The following PPP2R5E variants were observed in gnomAD, a reference collection of about 807,000 sequenced individuals.
The protein encoded by PPP2R5E is protein phosphatase 2 regulatory subunit B'epsilon, also known as serine/threonine-protein phosphatase 2A 56 kDa regulatory subunit epsilon isoform.
PPP2R5E carries 4 observed loss-of-function variants against 65.3 expected under a neutral mutation model. That is an observed-to-expected ratio of 0.06 (90% CI 0.03 to 0.14). PPP2R5E has a LOEUF of 0.14. Ranked by LOEUF, PPP2R5E falls within the 10% of genes least tolerant of loss-of-function variation. The probability of loss-of-function intolerance (pLI) is 1.00; values close to 1 mark genes in which losing one functional copy is unlikely to be tolerated. For missense variants in PPP2R5E, 274 were observed against 556.1 expected, an observed-to-expected ratio of 0.49 and a Z score of 5.10; for synonymous variants, 183 against 187.4, an observed-to-expected ratio of 0.98 and a Z score of 0.19.
intron 2 of PPP2R5E, among the ~76,000 whole-genome samples, chr14:63,489,222 C>T (rs1297883591): frequency 6.6e-6 from 1 of 151,922 alleles, no homozygotes; most frequent in African/African-American, 2.4e-5. Flanking sequence ...AGTATAGGCT[C>T]ACCAAAGAAG....
intron 2 of PPP2R5E, among the ~76,000 whole-genome samples, chr14:63,517,162 T>A (rs549326718): frequency 6.6e-6 from 1 of 152,196 alleles, no homozygotes; most frequent in African/African-American, 2.4e-5. Context: ...CCTGAGGTGG[T>A]GAAATTATGT....
At chr14:63,483,361 G>T (rs1890807214) in intron 2 of PPP2R5E, among the ~76,000 whole-genome samples, 1 of 152,126 alleles carries the variant, frequency 6.6e-6, no homozygotes, top group Non-Finnish European at 1.5e-5. Flanking sequence ...CAGTGGGAAT[G>T]AGGAGGAGAT....
chr14:63,382,560 CCTGG>C (rs1884429425), intron 12 of PPP2R5E, among the ~76,000 whole-genome samples: 1 of 152,144 alleles, frequency 6.6e-6, no homozygotes. Flanking sequence ...AGCCACCACA[CCTGG>C]CTAATTTTGT....
At chr14:63,457,723 T>C (rs970757163) in intron 2 of PPP2R5E, among the ~76,000 whole-genome samples, 12 of 152,166 alleles carry the variant, frequency 7.9e-5, no homozygotes, top group Non-Finnish European at 1.5e-5. Flanking sequence ...GGTTATGTAA[T>C]ACCGTGAAGG....
chr14:63,485,215 AAC>A (rs1483580460), intron 2 of PPP2R5E, among the ~76,000 whole-genome samples: 3 of 151,874 alleles, frequency 2.0e-5, no homozygotes, highest in African/African-American at 4.8e-5. Context: ...AAAAAAAAAA[AAC>A]ATACTGGCAA....
intron 2 of PPP2R5E, among the ~76,000 whole-genome samples, chr14:63,518,310 T>C (rs944476357): frequency 9.2e-5 from 14 of 152,252 alleles, no homozygotes; most frequent in African/African-American, 2.6e-4. Context: ...GGTGCAATCA[T>C]GGTTAACTGC....
At chr14:63,463,864 G>A (rs772838717) in intron 2 of PPP2R5E, among the ~76,000 whole-genome samples, 3 of 152,150 alleles carry the variant, frequency 2.0e-5, no homozygotes, top group African/African-American at 7.2e-5. Context: ...CCAAAGTGCT[G>A]GGATTACAGG....
At chr14:63,410,108 T>C (rs1228368598) in intron 5 of PPP2R5E, among the ~76,000 whole-genome samples, 2 of 152,176 alleles carry the variant, frequency 1.3e-5, no homozygotes, top group South Asian at 2.1e-4. Flanking sequence ...GCAAAGAACA[T>C]ATTCAGCTGC....
At chr14:63,461,353 A>G (rs1314575508) in intron 2 of PPP2R5E, among the ~76,000 whole-genome samples, 1 of 152,172 alleles carries the variant, frequency 6.6e-6, no homozygotes, top group African/African-American at 2.4e-5. Flanking sequence ...GAAAAAAAAA[A>G]AGCAGTTTGT....
chr14:63,498,595 T>A (rs1012599386), intron 2 of PPP2R5E, among the ~76,000 whole-genome samples: 2 of 151,964 alleles, frequency 1.3e-5, no homozygotes, highest in Non-Finnish European at 2.9e-5. Flanking sequence ...TCTCACTCTG[T>A]CACCCAGGCT....
intron 2 of PPP2R5E, among the ~76,000 whole-genome samples, chr14:63,512,050 G>C (rs915383386): frequency 1.5e-5 from 2 of 130,772 alleles, no homozygotes; most frequent in Non-Finnish European, 3.1e-5. Context: ...CTGCACTCCA[G>C]CCTGGACGAC....
At chr14:63,430,393 A>ACATACATG (rs1163137641) in intron 3 of PPP2R5E, among the ~76,000 whole-genome samples, 20 of 139,026 alleles carry the variant, frequency 1.4e-4, no homozygotes, top group African/African-American at 3.1e-4. Context: ...ATACATACAT[A>ACATACATG]CATACATGCA....
intron 5 of PPP2R5E, among the ~76,000 whole-genome samples, chr14:63,408,569 C>A (rs1234089789): frequency 1.3e-5 from 2 of 152,110 alleles, no homozygotes; most frequent in Non-Finnish European, 2.9e-5. Context: ...AGTACCATAT[C>A]ATTAGTCATC....
chr14:63,438,735 G>A (rs1473407969), intron 3 of PPP2R5E, among the ~76,000 whole-genome samples: 2 of 152,128 alleles, frequency 1.3e-5, no homozygotes, highest in African/African-American at 2.4e-5. Flanking sequence ...TAGCAATCTC[G>A]AGTAGCTCAG....
intron 13 of PPP2R5E, among the ~76,000 whole-genome samples, chr14:63,379,097 C>T (rs1483222316): frequency 2.0e-5 from 3 of 151,248 alleles, no homozygotes; most frequent in Non-Finnish European, 2.9e-5. Flanking sequence ...GGTGTAATCT[C>T]GGCTCACTGC....
intron 13 of PPP2R5E, among the ~76,000 whole-genome samples, chr14:63,379,284 T>G (rs536950805): frequency 2.0e-5 from 3 of 152,282 alleles, no homozygotes; most frequent in African/African-American, 7.2e-5. Context: ...CGCCTCGGCC[T>G]CCCAAAGAGC....
chr14:63,531,240 C>T (rs778272193), intron 2 of PPP2R5E, among the ~76,000 whole-genome samples: 4 of 152,112 alleles, frequency 2.6e-5, no homozygotes, highest in Non-Finnish European at 5.9e-5. Context: ...CCCATTAACT[C>T]GTCATTTAAC....
At chr14:63,399,382 T>TTTTTTC (rs1885613169) in intron 5 of PPP2R5E, among the ~76,000 whole-genome samples, 1 of 126,612 alleles carries the variant, frequency 7.9e-6, no homozygotes, top group African/African-American at 3.1e-5. Flanking sequence ...TTTTTTTTTT[T>TTTTTTC]TTTTTTTTTT....
At chr14:63,435,065 G>GA (rs1594871420) in intron 3 of PPP2R5E, among the ~76,000 whole-genome samples, 4 of 151,898 alleles carry the variant, frequency 2.6e-5, no homozygotes, top group East Asian at 1.9e-4. Context: ...AGTAAGATTA[G>GA]AAAAAAAGGT....
Sources: allele counts gnomAD v4.1 joint callset (sites outside exome capture counted in the v4.1 genomes callset), GRCh38; gene constraint gnomAD v4.1.1; transcripts MANE v1.5; gene names NCBI Gene and HGNC (gene_info 2026-07-23, HGNC 2026-07-21).